DNAH2: variants seen among roughly 807,000 people sequenced by gnomAD.
DNAH2 encodes the protein axonemal beta dynein heavy chain 2.
Under a neutral mutation model 523.5 loss-of-function variants are expected in DNAH2, and 323 were observed. That is an observed-to-expected ratio of 0.62 (90% CI 0.56 to 0.68). The LOEUF is 0.68. DNAH2 is among the 30% of genes least tolerant of loss of function. The probability of loss-of-function intolerance (pLI) is 0.00; values close to 1 mark genes in which losing one functional copy is unlikely to be tolerated. For missense variants in DNAH2, 4,907 were observed against 5,701.5 expected, an observed-to-expected ratio of 0.86 and a Z score of 4.49; for synonymous variants, 2,093 against 2,177.4, an observed-to-expected ratio of 0.96 and a Z score of 1.08.
At position 7,786,100 on chromosome 17, in the gene DNAH2, T is replaced by G. The variant is rs745434665; in HGVS notation, c.6130-24T>G. ...AAAGGCCTCATCCTTTTTCTTCTGC[T>G]TGCTGTGTTTTCCCTTCCCTCAGCT... On this transcript the variant is annotated intron_variant, in intron 39 of 85. Transcript: ENST00000572933. The surrounding 1 kb of genome is among the most constrained non-coding windows in gnomAD (Gnocchi z 7.5). 1.2e-6 allele frequency: 2 copies of G among 1,612,762 alleles called. No homozygotes were observed. The highest frequency in any genetic ancestry group is 1.7e-6 in the Non-Finnish European group (2 of 1,179,196).
Position 7,770,238 on chromosome 17 carries a change from G to T in DNAH2, c.3942-14G>T, listed in dbSNP as rs757667977. 6.3e-7 allele frequency: 1 copy of T among 1,591,480 alleles called. No homozygotes were observed. The highest frequency in any genetic ancestry group is 8.6e-7 in the Non-Finnish European group (1 of 1,169,310). ...AACTCTCCTGACCTCACACCCTCCT[G>T]TTCCTGGCTGCAGGCACTGGGACCA... On this transcript the variant is annotated splice_polypyrimidine_tract_variant and intron_variant, in intron 24 of 85. Transcript: ENST00000572933.
rs2076162611 is a variant in DNAH2 at position 7,766,220 on chromosome 17, G to C, written c.3512-98G>C. 2.3e-6 allele frequency: 3 copies of C among 1,290,302 alleles called. No individual in the cohort carries two copies. The Admixed American group carries it at 5.8e-5, about 25-fold the overall frequency. The allele number at this position is 1,290,302 out of a possible 1,614,324, so 79.9% of individuals were successfully genotyped here. On this transcript the variant is annotated intron_variant, in intron 21 of 85. Transcript: ENST00000572933. Reference sequence around the variant, plus strand: ...TCCTTCCCTTCCCTCTCTCACGTGAGGAGAGAGGTGAGATTTGCCCACAAA... The same window carrying C: ...TCCTTCCCTTCCCTCTCTCACGTGACGAGAGAGGTGAGATTTGCCCACAAA...
intron 63 of DNAH2, among the ~76,000 whole-genome samples, chr17:7,811,843 A>G (rs2077527136): frequency 6.6e-6 from 1 of 152,214 alleles, no homozygotes; most frequent in African/African-American, 2.4e-5. Flanking sequence ...TTCTCTGGGT[A>G]GATCAGTTTT....
chr17:7,772,098 G>A (rs1016532055), intron 28 of DNAH2, among the ~76,000 whole-genome samples: 3 of 152,092 alleles, frequency 2.0e-5, no homozygotes, highest in African/African-American at 4.8e-5. Flanking sequence ...ATGAACACAC[G>A]GCAAGATGAA....
intron 73 of DNAH2, among the ~76,000 whole-genome samples, chr17:7,822,927 A>G (rs1458430486): frequency 6.6e-6 from 1 of 152,190 alleles, no homozygotes; most frequent in Non-Finnish European, 1.5e-5. Context: ...TGTGAGGGCT[A>G]AGGGCAGGGT....
intron 58 of DNAH2, among the ~76,000 whole-genome samples, chr17:7,802,810 C>T (rs891209586): frequency 3.3e-5 from 5 of 150,824 alleles, no homozygotes; most frequent in African/African-American, 1.2e-4. Context: ...ATTACAGGCA[C>T]GCGCCACCAT....
At chr17:7,761,068 A>T in intron 18 of DNAH2, 136 bp downstream of exon 18, 1 of 1,113,284 alleles carries the variant, frequency 9.0e-7, no homozygotes, top group Non-Finnish European at 1.3e-6. Context: ...AAAGAACAGG[A>T]CCTAGGACAT....
At chr17:7,745,543 G>A (rs1197766796) in intron 12 of DNAH2, among the ~76,000 whole-genome samples, 2 of 151,664 alleles carry the variant, frequency 1.3e-5, no homozygotes, top group African/African-American at 2.4e-5. Context: ...TGTGGCTGGC[G>A]CAGTGGCTCA....
intron 12 of DNAH2, among the ~76,000 whole-genome samples, chr17:7,751,898 G>C (rs1481783363): frequency 6.7e-6 from 1 of 148,480 alleles, no homozygotes; most frequent in Admixed American, 6.9e-5. Context: ...ATGATTTTGA[G>C]TCTTTCCAAG....
At chr17:7,770,483 AT>A (rs2076284503) in intron 25 of DNAH2, 73 bp from the exon 26 acceptor site, 1 of 1,613,158 alleles carries the variant, frequency 6.2e-7, no homozygotes, top group Admixed American at 1.7e-5. Flanking sequence ...TCATCATCTG[AT>A]GGCGCCTCTC....
At chr17:7,750,095 G>C (rs1440035459) in intron 12 of DNAH2, among the ~76,000 whole-genome samples, 2 of 152,094 alleles carry the variant, frequency 1.3e-5, no homozygotes, top group Non-Finnish European at 2.9e-5. Flanking sequence ...CTGCTTCCCA[G>C]GTTCAAGCGA....
intron 1 of DNAH2, among the ~76,000 whole-genome samples, chr17:7,719,492 C>T (rs1208090345): frequency 6.6e-6 from 1 of 152,110 alleles, no homozygotes; most frequent in Non-Finnish European, 1.5e-5. Context: ...GATTTTTAGC[C>T]CAGTGCCCCG....
At chr17:7,824,764 T>C (rs755512336) in intron 77 of DNAH2, 37 bp downstream of exon 77, 13 of 1,441,406 alleles carry the variant, frequency 9.0e-6, no homozygotes, top group Non-Finnish European at 9.3e-6. Flanking sequence ...ATCAGGGCCA[T>C]CTGGTCCACC....
In DNAH2 at chr17:7,802,074, G is replaced by A. The variant is rs1176854374; in HGVS notation, c.8972+57G>A. The A allele has an allele frequency of 4.4e-6, 7 of 1,601,832 alleles. No individual in the cohort carries two copies. The East Asian group carries it at 6.7e-5, about 15-fold the overall frequency. ...AGGGAGGCTGGTGTCTTCTGAGGGC[G>A]ATGGGTGAAATGATGCTGATGTGCA... On this transcript the variant is annotated intron_variant, in intron 58 of 85. Transcript: ENST00000572933.
At position 7,764,421 on chromosome 17, in the gene DNAH2, T is replaced by C. The variant is rs2076095334; in HGVS notation, c.3336+148T>C. On this transcript the variant is annotated intron_variant, in intron 20 of 85. Coordinates refer to ENST00000572933, the MANE Select transcript of DNAH2 (RefSeq NM_020877.5). ...GCCAAAGCTAGCTCAAATGATACCT[T>C]TACTTAGCTTCTGGATTTCTTTTCT... The C allele has an allele frequency of 8.5e-6, 8 of 944,120 alleles. No homozygotes were observed. In the Admixed American group the frequency reaches 2.0e-4, roughly 24 times the overall value. 58.5% of individuals were successfully genotyped at this position (944,120 alleles called of 1,614,324 possible). A position where few individuals can be genotyped will look rare whatever the true frequency, so the allele number is the denominator to read the frequency against.
chr17:7,758,526 G>C lies in DNAH2; in HGVS notation c.2083G>C (p.Ala695Pro), dbSNP rs887824252. Residue 695 changes from alanine (A) to proline (P), a missense_variant, in exon 14 of 86, where the codon GCC becomes CCC. By Grantham distance (27) the Ala-to-Pro change is conservative. This residue lies in a region of DNAH2 where 2,806 missense variants were observed against 3,190.8 expected (regional missense o/e 0.88). Transcript: ENST00000572933. ...TGCCATGCTGTCCCCAGATGAGCAGGCCCTATTCAAAGAGCGTATTCGGCT... is the reference window on the plus strand; with the variant it reads ...TGCCATGCTGTCCCCAGATGAGCAGCCCCTATTCAAAGAGCGTATTCGGCT... ...IIAMLSPDEQ[A>P]LFKERIRLLD... 6 of 1,614,110 alleles carry C rather than the reference G, an allele frequency of 3.7e-6. No homozygotes were observed. Among genetic ancestry groups the C allele is most frequent in the Non-Finnish European group, 5.1e-6 (6 of 1,180,006 alleles).
At chr17:7,804,017 G>A (rs2077294802) in intron 58 of DNAH2, among the ~76,000 whole-genome samples, 1 of 152,170 alleles carries the variant, frequency 6.6e-6, no homozygotes, top group South Asian at 2.1e-4. Flanking sequence ...GCTGATTCTG[G>A]TAGTGGTGTG....
At chr17:7,734,420 T>C in intron 6 of DNAH2, 50 bp from the exon 7 acceptor site, 2 of 1,605,268 alleles carry the variant, frequency 1.2e-6, no homozygotes, top group Non-Finnish European at 1.7e-6. Flanking sequence ...AAGGATGCTG[T>C]TGGGAAGCAG....
Position 7,757,296 on chromosome 17 carries a change from C to G in DNAH2, c.2051+59C>G, listed in dbSNP as rs2075871319. 1.9e-6 allele frequency: 3 copies of G among 1,576,228 alleles called. No homozygotes were observed. The East Asian group carries it at 6.8e-5, about 36-fold the overall frequency. ...ATGCTATTTTATTCCTTCTTTTTCTCTTATCTGCCCTGTAATGTTGTTCAT... is the reference window on the plus strand; with the variant it reads ...ATGCTATTTTATTCCTTCTTTTTCTGTTATCTGCCCTGTAATGTTGTTCAT... On this transcript the variant is annotated intron_variant, in intron 13 of 85. Coordinates refer to ENST00000572933, the MANE Select transcript of DNAH2 (RefSeq NM_020877.5).
Sources: gnomAD v4.1 joint callset for allele counts (sites outside exome capture counted in the v4.1 genomes callset) on GRCh38, gnomAD v4.1.1 for gene constraint, gnomAD v4.1.1 regional missense constraint, Gnocchi (gnomAD v3.1) non-coding constraint, MANE v1.5 for transcripts, NCBI Gene and HGNC (gene_info 2026-07-23, HGNC 2026-07-21) for gene names.